DCC: variants seen among roughly 807,000 people sequenced by gnomAD.
DCC encodes netrin receptor DCC.
A neutral mutation model predicts 172.5 loss-of-function variants in DCC; 58 were observed. The observed-to-expected ratio is 0.34, with a 90% CI of 0.27 to 0.42. DCC has a LOEUF of 0.42. Among genes scored for constraint, DCC ranks in the 10% least tolerant of loss-of-function variants. The pLI, the probability that DCC is intolerant of heterozygous loss-of-function variation, is 1.00. For synonymous variants in DCC, 709 were observed against 644.5 expected, an observed-to-expected ratio of 1.10 and a Z score of -1.52; for missense variants, 1,740 against 1,791.0, an observed-to-expected ratio of 0.97 and a Z score of 0.51.
intron 7 of DCC, among the ~76,000 whole-genome samples, chr18:53,108,931 G>A (rs1284158776): frequency 6.6e-6 from 1 of 151,020 alleles, no homozygotes; most frequent in Non-Finnish European, 1.5e-5. Context: ...CTTTCTGTTG[G>A]TGTACATCTA....
Position 52,937,977 on chromosome 18 carries a change from G to A in DCC, c.985+12607G>A, listed in dbSNP as rs185319507. On this transcript the variant is annotated intron_variant, in intron 5 of 28. Coordinates refer to ENST00000442544, the MANE Select transcript of DCC (RefSeq NM_005215.4). ...CAGAGTTGTTACCAAGATTAGACCC[G>A]GTGAAATAGTCCATGTTCAAGGCAA... Among the ~76,000 whole-genome samples, 315 of 152,166 alleles carry A rather than the reference G, an allele frequency of 2.1e-3. 3 individuals carry two copies. The highest frequency in any genetic ancestry group is 0.017 in the Middle Eastern group (5 of 294).
intron 1 of DCC, among the ~76,000 whole-genome samples, chr18:52,681,649 T>C (rs1348192539): frequency 6.6e-6 from 1 of 152,116 alleles, no homozygotes; most frequent in East Asian, 1.9e-4. Flanking sequence ...GACTTGGTTT[T>C]GGAACTGCCA....
chr18:53,049,783 C>T (rs371047217), intron 5 of DCC, among the ~76,000 whole-genome samples: 205 of 151,996 alleles, frequency 1.3e-3, no homozygotes, highest in African/African-American at 4.5e-3. Context: ...TTGCTTTGCG[C>T]AATGTACTAG....
intron 15 of DCC, among the ~76,000 whole-genome samples, chr18:53,344,317 T>C (rs2057696616): frequency 6.6e-6 from 1 of 152,078 alleles, no homozygotes; most frequent in Non-Finnish European, 1.5e-5. Context: ...AAGCATTTCC[T>C]AATTTTCCTG....
At chr18:53,037,557 C>T (rs926576889) in intron 5 of DCC, among the ~76,000 whole-genome samples, 14 of 151,826 alleles carry the variant, frequency 9.2e-5, no homozygotes, top group African/African-American at 3.4e-4. Context: ...AGTAGAAGAT[C>T]ATAAAAAATT....
At chr18:52,883,132 C>G (rs535763683) in intron 2 of DCC, among the ~76,000 whole-genome samples, 4 of 151,714 alleles carry the variant, frequency 2.6e-5, no homozygotes, top group Non-Finnish European at 5.9e-5. Context: ...TGTTTTCAGT[C>G]CATGTGCATC....
intron 1 of DCC, among the ~76,000 whole-genome samples, chr18:52,352,120 A>G (rs1005464561): frequency 5.9e-5 from 9 of 152,194 alleles, no homozygotes; most frequent in African/African-American, 1.9e-4. Context: ...CCAACTCTAA[A>G]TTGGGGGTAA....
intron 1 of DCC, among the ~76,000 whole-genome samples, chr18:52,541,433 A>G (rs1368627447): frequency 1.3e-5 from 2 of 152,200 alleles, no homozygotes; most frequent in African/African-American, 4.8e-5. Context: ...TCTGTTTTCT[A>G]TGATGAATGG....
intron 2 of DCC, among the ~76,000 whole-genome samples, chr18:52,846,886 G>T (rs986360690): frequency 2.0e-5 from 3 of 152,092 alleles, no homozygotes; most frequent in East Asian, 1.9e-4. Context: ...CAGGCAGGGG[G>T]CGAGCACATG....
chr18:52,512,527 A>G (rs4940187), intron 1 of DCC, among the ~76,000 whole-genome samples: 144 of 152,258 alleles, frequency 9.5e-4, no homozygotes, highest in Non-Finnish European at 1.6e-3. Flanking sequence ...AAATTTGATA[A>G]TGGATGTTCT....
intron 1 of DCC, among the ~76,000 whole-genome samples, chr18:52,532,576 C>T (rs2032181425): frequency 6.6e-6 from 1 of 152,154 alleles, no homozygotes; most frequent in Non-Finnish European, 1.5e-5. Context: ...GAGACAACAG[C>T]TGAGAAACGT....
intron 18 of DCC, among the ~76,000 whole-genome samples, chr18:53,401,626 A>ATTAGAGACTGATTTCTAG (rs75655377): frequency 1.3e-5 from 2 of 152,186 alleles, no homozygotes; most frequent in Non-Finnish European, 2.9e-5. Flanking sequence ...CTGATTTCTA[A>ATTAGAGACTGATTTCTAG]CTATCTTTTC....
At chr18:53,037,960 G>T (rs377392101) in intron 5 of DCC, among the ~76,000 whole-genome samples, 2 of 151,860 alleles carry the variant, frequency 1.3e-5, no homozygotes, top group Non-Finnish European at 2.9e-5. Context: ...ATGAAAAAAC[G>T]TAAGAACATT....
intron 11 of DCC, among the ~76,000 whole-genome samples, chr18:53,212,068 T>C (rs1017469773): frequency 6.6e-6 from 1 of 152,050 alleles, no homozygotes; most frequent in African/African-American, 2.4e-5. Context: ...AGAATTATTT[T>C]GGTCTATAAA....
At chr18:53,323,723 A>G (rs1379757874) in intron 14 of DCC, among the ~76,000 whole-genome samples, 1 of 152,104 alleles carries the variant, frequency 6.6e-6, no homozygotes, top group Non-Finnish European at 1.5e-5. Context: ...GGATGGATAG[A>G]CCATCAGGCA....
At chr18:52,644,830 AG>A (rs2034986102) in intron 1 of DCC, among the ~76,000 whole-genome samples, 1 of 78,884 alleles carries the variant, frequency 1.3e-5, no homozygotes, top group Non-Finnish European at 2.4e-5. Flanking sequence ...GGAGGGAGGG[AG>A]GGAGGGAAGG....
chr18:53,459,244 C>T lies in DCC; in HGVS notation c.3405C>T (p.Thr1135=), dbSNP rs1379530522. 6.2e-7 allele frequency: 1 copy of T among 1,614,036 alleles called. No individual in the cohort carries two copies. Among genetic ancestry groups the T allele is most frequent in the East Asian group, 2.2e-5 (1 of 44,872 alleles). The part of the protein sequence containing the change: ...SSAQQRKKRA[T]HSAGKRKGSQ... ...CTTTGTTCCATAGGAAACGGGCCAC[C>T]CACAGTGCTGGCAAAAGGAAGGGCA... The change falls in exon 24 of 29, where the codon ACC becomes ACT. Residue 1135 remains threonine, a synonymous_variant. Coordinates refer to ENST00000442544, the MANE Select transcript of DCC (RefSeq NM_005215.4).
chr18:53,423,077 T>A lies in DCC; in HGVS notation c.3163+6921T>A, dbSNP rs532692115. ...TATGTCAACTTCTCAGCAGTTTTCATGTTTTAATAGGTAACTCTGAAGGAA... is the reference window on the plus strand; with the variant it reads ...TATGTCAACTTCTCAGCAGTTTTCAAGTTTTAATAGGTAACTCTGAAGGAA... On this transcript the variant is annotated intron_variant, in intron 21 of 28. Coordinates refer to ENST00000442544, the MANE Select transcript of DCC (RefSeq NM_005215.4). Among the ~76,000 whole-genome samples the A allele has an allele frequency of 6.6e-5, 10 of 152,308 alleles. No homozygotes were observed. In the East Asian group the frequency reaches 1.9e-3, roughly 29 times the overall value.
chr18:53,019,706 A>T (rs2041853788), intron 5 of DCC, among the ~76,000 whole-genome samples: 1 of 152,134 alleles, frequency 6.6e-6, no homozygotes, highest in South Asian at 2.1e-4. Context: ...AGGACCATGG[A>T]TCAAATTCAG....
Sources: gnomAD v4.1 joint callset for allele counts (sites outside exome capture counted in the v4.1 genomes callset) on GRCh38, gnomAD v4.1.1 for gene constraint, MANE v1.5 for transcripts, NCBI Gene and HGNC (gene_info 2026-07-23, HGNC 2026-07-21) for gene names.